SLC44A5: variants seen among roughly 807,000 people sequenced by gnomAD.
SLC44A5 encodes choline transporter-like protein 5.
In SLC44A5, 57 loss-of-function variants were observed where a neutral mutation model predicts 101.8. The ratio of observed to expected loss-of-function variants is 0.56; its 90% CI spans 0.45 to 0.70. The LOEUF is 0.70. Among genes scored for constraint, SLC44A5 ranks in the 30% least tolerant of loss-of-function variants. SLC44A5 has a pLI of 0.00. For synonymous variants in SLC44A5, 281 were observed against 290.9 expected, an observed-to-expected ratio of 0.97 and a Z score of 0.35; for missense variants, 737 against 853.1, an observed-to-expected ratio of 0.86 and a Z score of 1.70.
chr1:75,699,673 TA>T, the SLC44A5 span, among the ~76,000 whole-genome samples: 1 of 150,656 alleles, frequency 6.6e-6, no homozygotes, highest in African/African-American at 2.4e-5. Context: ...ACCTTAAATG[TA>T]AATGAGCTAA....
chr1:75,359,824 C>G (rs79407834), intron 3 of SLC44A5, among the ~76,000 whole-genome samples: 1,610 of 152,262 alleles, frequency 0.011, 39 homozygotes, highest in African/African-American at 0.037. Flanking sequence ...TACATCCTCA[C>G]CAACACTTGT....
intron 1 of SLC44A5, among the ~76,000 whole-genome samples, chr1:75,596,052 T>C (rs1352070536): frequency 6.6e-6 from 1 of 152,170 alleles, no homozygotes; most frequent in Non-Finnish European, 1.5e-5. Context: ...TAATATCAAA[T>C]CTTCTAATAA....
At chr1:75,681,511 T>A in the SLC44A5 span, among the ~76,000 whole-genome samples, 32 of 151,508 alleles carry the variant, frequency 2.1e-4, no homozygotes, top group South Asian at 3.1e-3. Context: ...AAAAACCACA[T>A]GATTATCTCA....
chr1:75,519,522 C>T (rs1416122056), intron 2 of SLC44A5, among the ~76,000 whole-genome samples: 1 of 151,928 alleles, frequency 6.6e-6, no homozygotes, highest in Non-Finnish European at 1.5e-5. Flanking sequence ...CACACCCCTG[C>T]ACTCCAGCCT....
chr1:75,649,189 G>A, the SLC44A5 span, among the ~76,000 whole-genome samples: 5 of 152,104 alleles, frequency 3.3e-5, no homozygotes, highest in Non-Finnish European at 5.9e-5. Context: ...TTCATTCTCC[G>A]TTAGTATTTT....
intron 3 of SLC44A5, among the ~76,000 whole-genome samples, chr1:75,387,882 TA>T (rs1161538676): frequency 1.4e-5 from 2 of 143,808 alleles, no homozygotes; most frequent in African/African-American, 5.2e-5. Context: ...TATGCAGCCA[TA>T]AAAAATGATG....
In SLC44A5 at chr1:75,370,336, A is replaced by T. The variant is rs550086602; in HGVS notation, c.52+26247T>A. Among the ~76,000 whole-genome samples the T allele has an allele frequency of 2.4e-4, 36 of 152,306 alleles. No individual in the cohort carries two copies. In the South Asian group the frequency reaches 4.1e-3, roughly 18 times the overall value. ...TATTGAAATTTTTCCAGTTAAAATA[A>T]TTTTTTCCACTTCAAACTGCTTTAT... On this transcript the variant is annotated intron_variant, in intron 3 of 23. Coordinates refer to ENST00000370859, the MANE Select transcript of SLC44A5 (RefSeq NM_001130058.2).
the SLC44A5 span, among the ~76,000 whole-genome samples, chr1:75,693,381 C>G: frequency 6.6e-6 from 1 of 152,138 alleles, no homozygotes; most frequent in African/African-American, 2.4e-5. Flanking sequence ...ATTTCAGCAG[C>G]CCCGGTTAGG....
intron 6 of SLC44A5, among the ~76,000 whole-genome samples, chr1:75,258,396 T>TACAAAGTCGTTGGGA (rs144651844): frequency 0.78 from 118,196 of 151,166 alleles, 46,573 homozygotes; most frequent in East Asian, 0.94. Flanking sequence ...TAGGTGGTTT[T>TACAAAGTCGTTGGGA]ACAAAGTCGT....
At chr1:75,628,402 G>T in the SLC44A5 span, among the ~76,000 whole-genome samples, 1 of 152,010 alleles carries the variant, frequency 6.6e-6, no homozygotes, top group Non-Finnish European at 1.5e-5. Context: ...ATAGAATATT[G>T]ATTACAGGGT....
At chr1:75,347,772 G>C (rs183333455) in intron 3 of SLC44A5, among the ~76,000 whole-genome samples, 27 of 151,964 alleles carry the variant, frequency 1.8e-4, no homozygotes, top group African/African-American at 6.3e-4. Context: ...TTTTGGAGTT[G>C]TATCTCCTTG....
intron 2 of SLC44A5, among the ~76,000 whole-genome samples, chr1:75,465,313 T>G (rs1027646455): frequency 5.9e-5 from 9 of 151,978 alleles, no homozygotes; most frequent in African/African-American, 2.2e-4. Context: ...AAGAAGGAAA[T>G]TGGGCCAATG....
At chr1:75,296,959 A>G (rs1162127914) in intron 5 of SLC44A5, among the ~76,000 whole-genome samples, 2 of 152,166 alleles carry the variant, frequency 1.3e-5, no homozygotes, top group East Asian at 1.9e-4. Context: ...GGGGCTTCAG[A>G]AAACCCAACT....
At chr1:75,368,659 A>G (rs1557709394) in intron 3 of SLC44A5, among the ~76,000 whole-genome samples, 1 of 149,936 alleles carries the variant, frequency 6.7e-6, no homozygotes, top group African/African-American at 2.4e-5. Flanking sequence ...ACACACACAC[A>G]CACACACACA....
chr1:75,301,686 C>G (rs1435359696), intron 4 of SLC44A5, among the ~76,000 whole-genome samples: 2 of 152,052 alleles, frequency 1.3e-5, no homozygotes, highest in African/African-American at 2.4e-5. Flanking sequence ...ATTGATAAAG[C>G]CTGTTATACT....
chr1:75,327,089 T>A (rs1201521220), intron 4 of SLC44A5, among the ~76,000 whole-genome samples: 1 of 150,666 alleles, frequency 6.6e-6, no homozygotes, highest in Non-Finnish European at 1.5e-5. Context: ...AGCTTTATTT[T>A]TTTTTTTTTA....
intron 2 of SLC44A5, among the ~76,000 whole-genome samples, chr1:75,431,488 A>G (rs1197519089): frequency 2.6e-5 from 4 of 152,180 alleles, no homozygotes; most frequent in African/African-American, 9.7e-5. Context: ...AATTAATTAG[A>G]ACTTTTCAGA....
chr1:75,609,805 T>A (rs1203033074), intron 1 of SLC44A5, among the ~76,000 whole-genome samples: 1 of 152,100 alleles, frequency 6.6e-6, no homozygotes, highest in East Asian at 1.9e-4. Context: ...GCAAAAATAA[T>A]GAACCACAGG....
chr1:75,636,015 A>T, the SLC44A5 span, among the ~76,000 whole-genome samples: 1 of 152,076 alleles, frequency 6.6e-6, no homozygotes, highest in Non-Finnish European at 1.5e-5. Context: ...CATCACCTGA[A>T]TAACATACAT....
Sources: gnomAD v4.1 joint callset for allele counts (sites outside exome capture counted in the v4.1 genomes callset) on GRCh38, gnomAD v4.1.1 for gene constraint, MANE v1.5 for transcripts, NCBI Gene and HGNC (gene_info 2026-07-23, HGNC 2026-07-21) for gene names.